The following EIF3A variants were observed in gnomAD, a reference collection of about 807,000 sequenced individuals.
EIF3A encodes the protein EIF3, p180 subunit.
Under a neutral mutation model 186.6 loss-of-function variants are expected in EIF3A, and 21 were observed. The observed-to-expected ratio is 0.11, with a 90% confidence interval of 0.08 to 0.16. EIF3A has a LOEUF of 0.16. Ranked by LOEUF, EIF3A falls within the 10% of genes least tolerant of loss-of-function variation. The pLI, the probability that EIF3A is intolerant of heterozygous loss-of-function variation, is 1.00. For missense variants in EIF3A, 1,306 were observed against 1,796.3 expected, an observed-to-expected ratio of 0.73 and a Z score of 4.93; for synonymous variants, 563 against 584.3, an observed-to-expected ratio of 0.96 and a Z score of 0.52.
chr10:119,058,264 A>T lies in EIF3A; in HGVS notation c.1669T>A (p.Tyr557Asn), dbSNP rs1207890993. 16 of 1,607,270 alleles carry T rather than the reference A, an allele frequency of 1.0e-5. No individual in the cohort carries two copies. In the Admixed American group the frequency reaches 2.7e-4, roughly 27 times the overall value. ...EEQHQLAVTAYLKNSRKEHQR... is the reference protein window; with the variant it reads ...EEQHQLAVTANLKNSRKEHQR... ...TGCTCTTTTCGTGAATTTTTAAGGTATGCAGTGACAGCCAACTGATGCTGT... is the reference window on the plus strand; with the variant it reads ...TGCTCTTTTCGTGAATTTTTAAGGTTTGCAGTGACAGCCAACTGATGCTGT... Residue 557 changes from tyrosine to asparagine, a missense_variant, in exon 12 of 22, where the codon TAC (tyrosine) becomes AAC (asparagine). Tyr to Asn is a moderately radical substitution (Grantham distance 143). Around this residue, in one of 8 missense-constraint regions of EIF3A, gnomAD observed 44 missense variants for 43.4 expected, o/e 1.01. Coordinates refer to ENST00000369144, the MANE Select transcript of EIF3A (RefSeq NM_003750.4).
chr10:119,065,836 A>G (rs535106125), intron 6 of EIF3A, among the ~76,000 whole-genome samples: 12 of 152,152 alleles, frequency 7.9e-5, no homozygotes, highest in East Asian at 5.8e-4. Context: ...ATTGTGATTG[A>G]CCAGGCGCGG....
At chr10:119,062,718 A>T (rs1399990398) in intron 7 of EIF3A, among the ~76,000 whole-genome samples, 1 of 144,090 alleles carries the variant, frequency 6.9e-6, no homozygotes, top group African/African-American at 2.5e-5. Flanking sequence ...ATTGCAGTAT[A>T]TTAAATCTAA....
rs549326131 is a variant in EIF3A at position 119,064,881 on chromosome 10, G to C, written c.1122+518C>G. Among the ~76,000 whole-genome samples, 196 of 152,064 alleles carry C rather than the reference G, an allele frequency of 1.3e-3. 2 individuals carry two copies. The highest frequency in any genetic ancestry group is 4.6e-3 in the African/African-American group (190 of 41,506). ...TGCCACTATGCCCAGCTAATTTTTTGTTATTTTTAGGAGAGACCGGGTTTC... is the reference window on the plus strand; with the variant it reads ...TGCCACTATGCCCAGCTAATTTTTTCTTATTTTTAGGAGAGACCGGGTTTC... On this transcript the variant is annotated intron_variant, in intron 7 of 21. Transcript: ENST00000369144.
At chr10:119,067,918 C>A (rs1001191378) in intron 6 of EIF3A, among the ~76,000 whole-genome samples, 2 of 152,064 alleles carry the variant, frequency 1.3e-5, no homozygotes, top group African/African-American at 2.4e-5. Context: ...TCAAGCCATT[C>A]TCCGGCCTCA....
At chr10:119,037,950 CTT>C (rs1225501722) in intron 20 of EIF3A, among the ~76,000 whole-genome samples, 1 of 110,218 alleles carries the variant, frequency 9.1e-6, no homozygotes, top group Non-Finnish European at 1.7e-5. Context: ...GAGTTTTGCT[CTT>C]GTTGCCCAGG....
At chr10:119,066,620 G>A (rs1176870365) in intron 6 of EIF3A, among the ~76,000 whole-genome samples, 2 of 151,392 alleles carry the variant, frequency 1.3e-5, no homozygotes, top group Admixed American at 6.6e-5. Context: ...GAGGGAGAGG[G>A]GGAGACAAGA....
intron 18 of EIF3A, among the ~76,000 whole-genome samples, chr10:119,043,699 C>T (rs909895124): frequency 2.0e-5 from 3 of 152,002 alleles, no homozygotes; most frequent in African/African-American, 7.3e-5. Context: ...ACAGTCAGAT[C>T]GCTTGAGGTC....
intron 19 of EIF3A, among the ~76,000 whole-genome samples, chr10:119,039,377 A>G (rs1196717625): frequency 1.3e-5 from 2 of 151,788 alleles, no homozygotes; most frequent in Admixed American, 1.3e-4. Flanking sequence ...TAGTGCTAAA[A>G]TGCTGTCTAG....
Position 119,073,467 on chromosome 10 carries a change from A to G in EIF3A, c.351T>C (p.Asp117=). The change falls in exon 3 of 22, where the codon GAT becomes GAC. Residue 117 remains aspartate (D), a synonymous_variant. Transcript: ENST00000369144. ...TCTCAGGAGTTTGAATATTATCTAGATCCTCTATATCTAAGACCATCTGCT... is the reference window on the plus strand; with the variant it reads ...TCTCAGGAGTTTGAATATTATCTAGGTCCTCTATATCTAAGACCATCTGCT... ...ESQQMVLDIE[D]LDNIQTPESV... 1 of 1,607,956 alleles carries G rather than the reference A, an allele frequency of 6.2e-7. No homozygotes were observed. The highest frequency in any genetic ancestry group is 8.5e-7 in the Non-Finnish European group (1 of 1,175,004).
chr10:119,064,885 T>A (rs1336768733), intron 7 of EIF3A, among the ~76,000 whole-genome samples: 6 of 152,216 alleles, frequency 3.9e-5, no homozygotes, highest in African/African-American at 1.2e-4. Flanking sequence ...TTTTTTGTTA[T>A]TTTTAGGAGA....
At position 119,059,226 on chromosome 10, in the gene EIF3A, G is replaced by A; in HGVS notation, c.1615C>T (p.Pro539Ser). 1 of 1,614,100 alleles carries A rather than the reference G, an allele frequency of 6.2e-7. No individual in the cohort carries two copies. ...VLAKALEVIK[P>S]AHILQEKEEQ... ...AAGATGCATACCAGTATATGAGCTGGTTTAATGACTTCAAGTGCTTTTGCA... is the reference window on the plus strand; with the variant it reads ...AAGATGCATACCAGTATATGAGCTGATTTAATGACTTCAAGTGCTTTTGCA... The change falls in exon 11 of 22, where the codon CCA (proline) becomes TCA (serine). Residue 539 changes from proline to serine, a missense_variant. Coordinates refer to ENST00000369144, the MANE Select transcript of EIF3A (RefSeq NM_003750.4).
At chr10:119,060,603 T>G (rs1843869220) in intron 9 of EIF3A, 143 bp downstream of exon 9, 3 of 557,618 alleles carry the variant, frequency 5.4e-6, no homozygotes, top group Non-Finnish European at 9.3e-6. Context: ...ATTCTGATTT[T>G]CAAATTAATA....
chr10:119,037,596 A>G (rs934033596), intron 20 of EIF3A, among the ~76,000 whole-genome samples: 4 of 152,194 alleles, frequency 2.6e-5, no homozygotes, highest in Non-Finnish European at 4.4e-5. Context: ...TTGGCTGCCA[A>G]ATGTGACTGC....
intron 9 of EIF3A, chr10:119,059,947 T>C: frequency 5.3e-6 from 3 of 570,804 alleles, no homozygotes; most frequent in South Asian, 3.3e-5. Context: ...TCCTAGTTGT[T>C]GTAAAACAAA....
chr10:119,073,510 G>T lies in EIF3A; in HGVS notation c.308C>A (p.Ala103Asp). The change falls in exon 3 of 22, where the codon GCT becomes GAT. Residue 103 changes from alanine (A) to aspartate (D), a missense_variant. Physicochemically the swap from Ala to Asp is moderately radical, Grantham distance 126. This residue lies in a region of EIF3A where 130 missense variants were observed against 259.3 expected (regional missense o/e 0.50). Transcript: ENST00000369144. ...CATCTGCTGAGATTCTTCTTTAGCAGCTTCAGTTTTTTCCTCTGCCATTTT... is the reference window on the plus strand; with the variant it reads ...CATCTGCTGAGATTCTTCTTTAGCATCTTCAGTTTTTTCCTCTGCCATTTT... The part of the protein sequence containing the change: ...YLKMAEEKTE[A>D]AKEESQQMVL... The T allele has an allele frequency of 6.2e-7, 1 of 1,607,798 alleles. No individual in the cohort carries two copies. Among genetic ancestry groups the T allele is most frequent in the Non-Finnish European group, 8.5e-7 (1 of 1,174,550 alleles).
chr10:119,080,022 G>A (rs924987912), intron 1 of EIF3A, among the ~76,000 whole-genome samples: 4 of 152,226 alleles, frequency 2.6e-5, no homozygotes, highest in African/African-American at 9.6e-5. Flanking sequence ...CAGGAATCAG[G>A]TTAAATGGGT....
intron 1 of EIF3A, among the ~76,000 whole-genome samples, chr10:119,078,928 G>T (rs1200208890): frequency 6.6e-6 from 1 of 152,038 alleles, no homozygotes; most frequent in Non-Finnish European, 1.5e-5. Context: ...CCATTATAAT[G>T]CTTTGGCCTA....
chr10:119,038,899 T>C (rs1204070625), intron 19 of EIF3A, among the ~76,000 whole-genome samples: 2 of 151,978 alleles, frequency 1.3e-5, no homozygotes, highest in Admixed American at 6.6e-5. Context: ...TACTCCAGCC[T>C]GGATGACAGA....
At chr10:119,037,589 G>T (rs1848150422) in intron 20 of EIF3A, among the ~76,000 whole-genome samples, 1 of 152,070 alleles carries the variant, frequency 6.6e-6, no homozygotes, top group Admixed American at 6.6e-5. Context: ...TAAGTGCTTG[G>T]CTGCCAAATG....
Sources: gnomAD v4.1 joint callset for allele counts (sites outside exome capture counted in the v4.1 genomes callset) on GRCh38, gnomAD v4.1.1 for gene constraint, gnomAD v4.1.1 regional missense constraint, MANE v1.5 for transcripts, NCBI Gene and HGNC (gene_info 2026-07-23, HGNC 2026-07-21) for gene names.